RAB38: variants seen among roughly 807,000 people sequenced by gnomAD.
RAB38 encodes the protein RAB38, member RAS oncogene family, also known as ras-related protein Rab-38.
A neutral mutation model predicts 18.4 loss-of-function variants in RAB38; 15 were observed. That is an observed-to-expected ratio of 0.82 (90% CI 0.55 to 1.26). The LOEUF (loss-of-function observed/expected upper bound fraction) is 1.26, where lower values mean the gene tolerates loss of function less well. Ranked by LOEUF, RAB38 falls within the 50% of genes most tolerant of loss-of-function variation. The pLI, the probability that RAB38 is intolerant of heterozygous loss-of-function variation, is 0.00. For synonymous variants in RAB38, 101 were observed against 104.4 expected (o/e 0.97, Z 0.20); for missense variants, 294 against 267.4 (o/e 1.10, Z -0.69).
chr11:88,059,999 T>C, the RAB38 span, among the ~76,000 whole-genome samples: 1 of 152,214 alleles, frequency 6.6e-6, no homozygotes, highest in Non-Finnish European at 1.5e-5. Flanking sequence ...TTTATGAACA[T>C]TCAATTTTAT....
downstream of RAB38, among the ~76,000 whole-genome samples, chr11:88,110,459 C>T (rs916292094): frequency 6.6e-6 from 1 of 152,018 alleles, no homozygotes; most frequent in Non-Finnish European, 1.5e-5. Flanking sequence ...CACCATGGCA[C>T]ATGTATACCT....
chr11:87,938,220 T>C, the RAB38 span, among the ~76,000 whole-genome samples: 2 of 152,094 alleles, frequency 1.3e-5, no homozygotes, highest in Admixed American at 6.6e-5. Context: ...TTTCATGGGA[T>C]CTTTCCTGAC....
the RAB38 span, among the ~76,000 whole-genome samples, chr11:88,081,614 T>C: frequency 4.6e-5 from 7 of 151,954 alleles, no homozygotes; most frequent in Non-Finnish European, 1.0e-4. Flanking sequence ...TTACATAGCC[T>C]TCTCCCCTCT....
At chr11:88,137,185 C>T (rs1055912201) in intron 2 of RAB38, among the ~76,000 whole-genome samples, 2 of 152,276 alleles carry the variant, frequency 1.3e-5, no homozygotes, top group East Asian at 3.9e-4. Context: ...CAACAATCAC[C>T]ATAGCCACTA....
At chr11:88,070,688 G>GA in the RAB38 span, among the ~76,000 whole-genome samples, 3 of 152,070 alleles carry the variant, frequency 2.0e-5, no homozygotes, top group South Asian at 2.1e-4. Flanking sequence ...TAAGCATAGT[G>GA]AAAAAAAATT....
At chr11:87,976,338 T>C in the RAB38 span, among the ~76,000 whole-genome samples, 7 of 143,066 alleles carry the variant, frequency 4.9e-5, no homozygotes, top group Non-Finnish European at 3.0e-5. Flanking sequence ...TATATGTAGG[T>C]ATATATATAA....
chr11:87,916,360 G>A, the RAB38 span, among the ~76,000 whole-genome samples: 5 of 152,124 alleles, frequency 3.3e-5, no homozygotes, highest in African/African-American at 1.2e-4. Flanking sequence ...CTTCATAAAT[G>A]TCTGGGTACA....
At chr11:88,150,041 CAAGTCA>C in intron 1 of RAB38, 86 bp from the exon 2 acceptor site, 1 of 1,367,234 alleles carries the variant, frequency 7.3e-7, no homozygotes, top group Non-Finnish European at 1.0e-6. Context: ...CCAAGATGAG[CAAGTCA>C]ATCAGTAAAG....
chr11:88,126,109 G>T (rs1221393139), intron 2 of RAB38, among the ~76,000 whole-genome samples: 4 of 152,136 alleles, frequency 2.6e-5, no homozygotes, highest in East Asian at 1.9e-4. Context: ...TGCTGTTTTG[G>T]TTACTGTAGC....
intron 2 of RAB38, among the ~76,000 whole-genome samples, chr11:88,128,307 T>G (rs2134790777): frequency 6.6e-6 from 1 of 152,350 alleles, no homozygotes; most frequent in Non-Finnish European, 1.5e-5. Flanking sequence ...CAAGCTCTTG[T>G]CTAATGTAGT....
chr11:87,856,812 T>C, the RAB38 span, among the ~76,000 whole-genome samples: 5 of 152,130 alleles, frequency 3.3e-5, no homozygotes, highest in Non-Finnish European at 7.4e-5. Context: ...GAAACCTAGA[T>C]CATCAAGGCT....
chr11:88,025,123 A>G, the RAB38 span, among the ~76,000 whole-genome samples: 2 of 151,896 alleles, frequency 1.3e-5, no homozygotes, highest in Middle Eastern at 3.4e-3. Context: ...AATATCGCAT[A>G]TATCTCATAT....
chr11:87,834,411 G>T, the RAB38 span, among the ~76,000 whole-genome samples: 87 of 152,276 alleles, frequency 5.7e-4, no homozygotes, highest in African/African-American at 1.7e-3. Flanking sequence ...TTCAAAACTG[G>T]GAGGTAATAA....
chr11:88,086,281 C>T, the RAB38 span, among the ~76,000 whole-genome samples: 2 of 151,806 alleles, frequency 1.3e-5, no homozygotes, highest in Non-Finnish European at 2.9e-5. Context: ...ATTGCGTAAA[C>T]ATATTAAATT....
At chr11:87,976,574 A>C in the RAB38 span, among the ~76,000 whole-genome samples, 755 of 120,206 alleles carry the variant, frequency 6.3e-3, 6 homozygotes, top group African/African-American at 0.024. Flanking sequence ...CTATACAATA[A>C]ATATATATAT....
chr11:88,049,301 A>G, the RAB38 span, among the ~76,000 whole-genome samples: 1 of 152,154 alleles, frequency 6.6e-6, no homozygotes, highest in African/African-American at 2.4e-5. Context: ...TCCTGCCTTA[A>G]CTGATGACAT....
the RAB38 span, among the ~76,000 whole-genome samples, chr11:87,975,146 T>C: frequency 1.3e-5 from 2 of 151,882 alleles, no homozygotes; most frequent in Admixed American, 1.3e-4. Flanking sequence ...CTGCATCCCC[T>C]CCTCTTCTGA....
At chr11:87,820,986 T>C in the RAB38 span, among the ~76,000 whole-genome samples, 1 of 152,178 alleles carries the variant, frequency 6.6e-6, no homozygotes, top group African/African-American at 2.4e-5. Context: ...GAAGCAAGGA[T>C]ACATGGATGT....
chr11:88,068,527 T>C, the RAB38 span, among the ~76,000 whole-genome samples: 743 of 152,334 alleles, frequency 4.9e-3, 12 homozygotes, highest in African/African-American at 0.017. Flanking sequence ...GCATTTACAC[T>C]ATACATTTCT....
Sources: allele counts gnomAD v4.1 joint callset (sites outside exome capture counted in the v4.1 genomes callset), GRCh38; gene constraint gnomAD v4.1.1; transcripts MANE v1.5; gene names NCBI Gene and HGNC (gene_info 2026-07-23, HGNC 2026-07-21).